LMNA: variants seen among roughly 807,000 people sequenced by gnomAD.
The protein encoded by LMNA is lamin A/C.
A neutral mutation model predicts 70.4 loss-of-function variants in LMNA; 20 were observed. The observed-to-expected ratio is 0.28, with a 90% CI of 0.20 to 0.41. The LOEUF is 0.41. LMNA is among the 10% of genes least tolerant of loss of function. The probability of loss-of-function intolerance (pLI) is 1.00; values close to 1 mark genes in which losing one functional copy is unlikely to be tolerated. For synonymous variants in LMNA, 339 were observed against 372.8 expected, an observed-to-expected ratio of 0.91 and a Z score of 1.04; for missense variants, 652 against 917.2, an observed-to-expected ratio of 0.71 and a Z score of 3.73.
chr1:156,115,345 C>G lies in LMNA; in HGVS notation c.356+71C>G. Reference sequence around the variant, plus strand: ...GCGGCGGGCCGGCGCCCCTGGCCGGCCGCAGGAAGGGAGTGAGAGGGCCTG... The same window carrying G: ...GCGGCGGGCCGGCGCCCCTGGCCGGGCGCAGGAAGGGAGTGAGAGGGCCTG... On this transcript the variant is annotated intron_variant, in intron 1 of 11. Coordinates refer to ENST00000368300, the MANE Select transcript of LMNA (RefSeq NM_170707.4). The surrounding 1 kb of genome is among the most constrained non-coding windows in gnomAD (Gnocchi z 5.8). 7.2e-7 allele frequency: 1 copy of G among 1,397,246 alleles called. No homozygotes were observed. Among genetic ancestry groups the G allele is most frequent in the African/African-American group, 1.4e-5 (1 of 70,814 alleles). 86.6% of individuals were successfully genotyped at this position (1,397,246 alleles called of 1,614,324 possible). A position where few individuals can be genotyped will look rare whatever the true frequency, so the allele number is the denominator to read the frequency against.
chr1:156,115,335 C>A lies in LMNA; in HGVS notation c.356+61C>A. 1 of 1,451,244 alleles carries A rather than the reference C, an allele frequency of 6.9e-7. No individual in the cohort carries two copies. The highest frequency in any genetic ancestry group is 9.4e-7 in the Non-Finnish European group (1 of 1,064,622). The allele number at this position is 1,451,244 out of a possible 1,614,324, so 89.9% of individuals were successfully genotyped here. A position where few individuals can be genotyped will look rare whatever the true frequency, so the allele number is the denominator to read the frequency against. On this transcript the variant is annotated intron_variant, in intron 1 of 11. Transcript: ENST00000368300. The surrounding 1 kb of genome is among the most constrained non-coding windows in gnomAD (Gnocchi z 5.8). ...AGTGGAGAGGGCGGCGGGCCGGCGC[C>A]CCTGGCCGGCCGCAGGAAGGGAGTG...
intron 1 of LMNA, among the ~76,000 whole-genome samples, chr1:156,120,058 G>A (rs550954837): frequency 2.6e-5 from 4 of 152,248 alleles, no homozygotes; most frequent in African/African-American, 9.6e-5. Context: ...GGGGAGATCC[G>A]AGGCCCACAA....
At chr1:156,087,908 G>A (rs1383449323) in intron 2 of LMNA, among the ~76,000 whole-genome samples, 3 of 148,820 alleles carry the variant, frequency 2.0e-5, no homozygotes, top group African/African-American at 7.5e-5. Context: ...TGTCTCGCTC[G>A]GTCACCAGGC....
Position 156,115,410 on chromosome 1 carries a change from A to C in LMNA, c.356+136A>C. The C allele has an allele frequency of 6.4e-6, 5 of 787,240 alleles. No individual in the cohort carries two copies. The highest frequency in any genetic ancestry group is 1.1e-5 in the Non-Finnish European group (5 of 468,080). 48.8% of individuals were successfully genotyped at this position (787,240 alleles called of 1,614,324 possible). On this transcript the variant is annotated intron_variant, in intron 1 of 11. Coordinates refer to ENST00000368300, the MANE Select transcript of LMNA (RefSeq NM_170707.4). This position sits in a 1 kb window ranked among gnomAD's most constrained non-coding sequence, Gnocchi z 5.8. ...TGCCATAGTCTCCTCCCTCCCCGGA[A>C]CTGCCCCCAGCGGGTGACTGGCAGT...
At chr1:156,114,647 G>A (rs1649670906), upstream of LMNA, 9 of 389,742 alleles carry the variant, frequency 2.3e-5, no homozygotes, top group Admixed American at 4.1e-4. Context: ...CCCTTTAAGA[G>A]TAGTGGCCCC....
chr1:156,129,950 G>C (rs1650901273), intron 1 of LMNA: 1 of 736,856 alleles, frequency 1.4e-6, no homozygotes, highest in Middle Eastern at 3.5e-4. Flanking sequence ...GAGGCAGGAG[G>C]GAGGGAGGCA....
chr1:156,130,441 G>C (rs1348807544), intron 1 of LMNA, among the ~76,000 whole-genome samples, 176 bp from the exon 2 acceptor site: 4 of 149,640 alleles, frequency 2.7e-5, no homozygotes, highest in African/African-American at 1.0e-4. Flanking sequence ...ACCTTGGGGA[G>C]GTGGGAGCCC....
At chr1:156,090,050 G>A (rs1328209770) in intron 2 of LMNA, among the ~76,000 whole-genome samples, 1 of 152,230 alleles carries the variant, frequency 6.6e-6, no homozygotes. Flanking sequence ...TGCTGTCTTG[G>A]GGCAGGGAGG....
intron 1 of LMNA, among the ~76,000 whole-genome samples, chr1:156,117,200 G>C (rs898581343): frequency 6.6e-6 from 1 of 151,274 alleles, no homozygotes; most frequent in Non-Finnish European, 1.5e-5. Flanking sequence ...AAAGTGCTGG[G>C]ATTACAGGTG....
chr1:156,113,232 A>T (rs1649604789), upstream of LMNA, among the ~76,000 whole-genome samples: 1 of 152,090 alleles, frequency 6.6e-6, no homozygotes. Context: ...TGAACCCGGG[A>T]GGTGGAGATT....
At chr1:156,089,588 C>A (rs568348269) in intron 2 of LMNA, among the ~76,000 whole-genome samples, 1 of 120,290 alleles carries the variant, frequency 8.3e-6, no homozygotes, top group Non-Finnish European at 1.7e-5. Flanking sequence ...AGCCAAACTC[C>A]GTCTAAAAAA....
chr1:156,093,369 C>T (rs982948429), intron 3 of LMNA, among the ~76,000 whole-genome samples: 1 of 146,206 alleles, frequency 6.8e-6, no homozygotes, highest in Non-Finnish European at 1.5e-5. Context: ...TGCAGTGGCA[C>T]GATCTTGGCT....
At chr1:156,130,258 C>A (rs509551) in intron 1 of LMNA, among the ~76,000 whole-genome samples, 16,432 of 152,052 alleles carry the variant, frequency 0.11, 1,674 homozygotes, top group African/African-American at 0.27. Flanking sequence ...AAGTAAGGCC[C>A]TGTGTGGGAA....
At chr1:156,101,630 G>A (rs1649141704) in intron 3 of LMNA, among the ~76,000 whole-genome samples, 1 of 121,764 alleles carries the variant, frequency 8.2e-6, no homozygotes, top group African/African-American at 3.1e-5. Context: ...AAGGACGGAA[G>A]GAAGGAAGGG....
At chr1:156,131,027 T>A (rs1651019003) in intron 2 of LMNA, among the ~76,000 whole-genome samples, 1 of 152,132 alleles carries the variant, frequency 6.6e-6, no homozygotes, top group East Asian at 1.9e-4. Context: ...ATCCCAGCAC[T>A]TTAGGAGGCC....
rs1052149025 is a variant in LMNA, at chr1:156,138,583, A to G, written c.1794A>G (p.Ala598=). The G allele has an allele frequency of 6.2e-7, 1 of 1,612,906 alleles. No homozygotes were observed. Among genetic ancestry groups the G allele is most frequent in the Non-Finnish European group, 8.5e-7 (1 of 1,179,872 alleles). ...CCTGCGGGCAGCCTGCCGACAAGGCATCTGCCAGCGGCTCAGGAGCCCAGG... is the reference window on the plus strand; with the variant it reads ...CCTGCGGGCAGCCTGCCGACAAGGCGTCTGCCAGCGGCTCAGGAGCCCAGG... ...CGTCGQPADK[A]SASGSGAQVG... The change falls in exon 11 of 12, where the codon GCA becomes GCG. Residue 598 remains alanine (A), a synonymous_variant. Coordinates refer to ENST00000368300, the MANE Select transcript of LMNA (RefSeq NM_170707.4). This position sits in a 1 kb window ranked among gnomAD's most constrained non-coding sequence, Gnocchi z 5.5.
chr1:156,120,537 T>C (rs1338507833), intron 1 of LMNA, among the ~76,000 whole-genome samples: 1 of 152,132 alleles, frequency 6.6e-6, no homozygotes, highest in African/African-American at 2.4e-5. Context: ...GAGACCAGTC[T>C]GGGCAACATA....
chr1:156,084,290 TG>T (rs1205952375), intron 2 of LMNA, among the ~76,000 whole-genome samples: 1 of 118,414 alleles, frequency 8.4e-6, no homozygotes, highest in East Asian at 2.1e-4. Context: ...TGCACACTAA[TG>T]GGAGTGCTGG....
At chr1:156,096,468 A>C (rs1459638266) in intron 3 of LMNA, among the ~76,000 whole-genome samples, 2 of 152,266 alleles carry the variant, frequency 1.3e-5, no homozygotes, top group African/African-American at 4.8e-5. Flanking sequence ...AGTGCTTAAT[A>C]AATGTTGGTG....
Sources: allele counts gnomAD v4.1 joint callset (sites outside exome capture counted in the v4.1 genomes callset), GRCh38; gene constraint gnomAD v4.1.1; non-coding constraint Gnocchi (gnomAD v3.1); transcripts MANE v1.5; gene names NCBI Gene and HGNC (gene_info 2026-07-23, HGNC 2026-07-21).